Variants in AXDND1 observed in about 807,000 individuals in gnomAD.
AXDND1 encodes axonemal dynein light chain domain containing 1, also known as axonemal dynein light chain domain-containing protein 1.
AXDND1 carries 110 observed loss-of-function variants against 137.5 expected under a neutral mutation model. The ratio of observed to expected loss-of-function variants is 0.80; its 90% CI spans 0.69 to 0.94. The LOEUF (loss-of-function observed/expected upper bound fraction) is 0.94, where lower values mean the gene tolerates loss of function less well. Ranked by LOEUF, AXDND1 falls within the 40% of genes least tolerant of loss-of-function variation. The pLI is 0.00. For missense variants in AXDND1, 1,191 were observed against 1,169.8 expected (o/e 1.02, Z -0.26); for synonymous variants, 414 against 399.7 (o/e 1.04, Z -0.43).
intron 25 of AXDND1, among the ~76,000 whole-genome samples, chr1:179,540,693 G>A (rs949620794): frequency 6.6e-6 from 1 of 151,700 alleles, no homozygotes; most frequent in Non-Finnish European, 1.5e-5. Flanking sequence ...TGAGGAGGCA[G>A]TCTGTCTGTT....
intron 20 of AXDND1, among the ~76,000 whole-genome samples, chr1:179,494,054 C>G (rs1667200935): frequency 6.6e-6 from 1 of 152,100 alleles, no homozygotes; most frequent in Admixed American, 6.6e-5. Flanking sequence ...TGGGTTCAAG[C>G]AATTCTGCTT....
chr1:179,391,610 C>T (rs1391096424), intron 9 of AXDND1, among the ~76,000 whole-genome samples: 1 of 152,078 alleles, frequency 6.6e-6, no homozygotes, highest in East Asian at 1.9e-4. Context: ...AATCTCAGCT[C>T]ACTGCCACCT....
chr1:179,383,444 A>C lies in AXDND1; in HGVS notation c.641A>C (p.Lys214Thr). The C allele has an allele frequency of 3.1e-6, 5 of 1,611,816 alleles. No homozygotes were observed. In the South Asian group the frequency reaches 5.5e-5, roughly 18 times the overall value. The change falls in exon 8 of 26, where the codon AAA (lysine) becomes ACA (threonine). Residue 214 changes from lysine (K) to threonine (T), a missense_variant and splice_region_variant. Physicochemically the swap from Lys to Thr is moderately conservative, Grantham distance 78. Coordinates refer to ENST00000367618, the MANE Select transcript of AXDND1 (RefSeq NM_144696.6). ...AGTCTGCCACCTTAATTTTTTAGGA[A>C]ACCTAATAAAAGAGTAGAAGTGGCC... The part of the protein sequence containing the change: ...ENRLLLFPSM[K>T]PNKRVEVAQL...
intron 9 of AXDND1, among the ~76,000 whole-genome samples, chr1:179,386,715 A>G (rs1649280550): frequency 6.6e-6 from 1 of 151,564 alleles, no homozygotes. Context: ...AATCCTATCT[A>G]ATTATTATTA....
chr1:179,491,041 G>A (rs1175305734), intron 18 of AXDND1, among the ~76,000 whole-genome samples: 4 of 152,314 alleles, frequency 2.6e-5, no homozygotes, highest in African/African-American at 9.6e-5. Context: ...GAAGAGATCA[G>A]TGGCTGGGCG....
Position 179,525,458 on chromosome 1 carries a change from T to A in AXDND1, c.2610+11T>A. ...GAGAGAGCAGAAGAAGTAAGATTAT[T>A]TGGTATTTGTTTTTCCTCCTACATA... On this transcript the variant is annotated intron_variant, in intron 22 of 25. Transcript: ENST00000367618. The A allele has an allele frequency of 6.3e-7, 1 of 1,591,182 alleles. No individual in the cohort carries two copies. The highest frequency in any genetic ancestry group is 8.6e-7 in the Non-Finnish European group (1 of 1,168,854).
intron 20 of AXDND1, among the ~76,000 whole-genome samples, chr1:179,502,615 T>G (rs10913801): frequency 0.66 from 97,096 of 147,338 alleles, 33,196 homozygotes; most frequent in South Asian, 0.81. Flanking sequence ...ATACAAGTGT[T>G]AACAAGAATG....
rs776016942 is a variant in AXDND1, at chr1:179,551,452, C to G, written c.3032-3060C>G. 1 of 1,613,028 alleles carries G rather than the reference C, an allele frequency of 6.2e-7. No homozygotes were observed. The highest frequency in any genetic ancestry group is 8.5e-7 in the Non-Finnish European group (1 of 1,180,020). ...CCTTTTCCGCTTCTGCAGCAATCAT[C>G]TAGAAAACATGTGACGAAAGCAAAG... On this transcript the variant is annotated intron_variant, in intron 25 of 25. Coordinates refer to ENST00000367618, the MANE Select transcript of AXDND1 (RefSeq NM_144696.6).
At position 179,551,126 on chromosome 1, in the gene AXDND1, C is replaced by T. The variant is rs1673188184; in HGVS notation, c.3032-3386C>T. 5 of 1,612,316 alleles carry T rather than the reference C, an allele frequency of 3.1e-6. No individual in the cohort carries two copies. In the African/African-American group the frequency reaches 5.3e-5, roughly 17 times the overall value. ...CAGAGTGTCTCCCTCAGGCATGTGACTTTTCTATGGCAGGCCCCTTTACAG... is the reference window on the plus strand; with the variant it reads ...CAGAGTGTCTCCCTCAGGCATGTGATTTTTCTATGGCAGGCCCCTTTACAG... On this transcript the variant is annotated intron_variant, in intron 25 of 25. Transcript: ENST00000367618.
intron 11 of AXDND1, among the ~76,000 whole-genome samples, chr1:179,396,953 C>G (rs1261417394): frequency 6.6e-6 from 1 of 152,110 alleles, no homozygotes; most frequent in Non-Finnish European, 1.5e-5. Context: ...AACTCTGTGC[C>G]TTTTAATCAG....
At chr1:179,405,992 T>C (rs1231640469) in intron 11 of AXDND1, among the ~76,000 whole-genome samples, 2 of 152,108 alleles carry the variant, frequency 1.3e-5, no homozygotes, top group African/African-American at 4.8e-5. Flanking sequence ...TCTGCTCTTT[T>C]GATATAGGTG....
intron 21 of AXDND1, among the ~76,000 whole-genome samples, chr1:179,516,139 T>C (rs1669513920): frequency 6.6e-6 from 1 of 152,092 alleles, no homozygotes. Flanking sequence ...GGAGGCTTTG[T>C]TCATATTTTC....
chr1:179,447,682 C>T (rs1659929162), intron 16 of AXDND1: 1 of 1,349,948 alleles, frequency 7.4e-7, no homozygotes, highest in Admixed American at 1.7e-5. Context: ...ATTACTGCCA[C>T]CTGGTGGAGG....
chr1:179,506,846 G>C (rs1018876742), intron 20 of AXDND1: 2 of 985,332 alleles, frequency 2.0e-6, no homozygotes, highest in Non-Finnish European at 2.4e-6. Flanking sequence ...TAGCACTGCC[G>C]GTTCCAGGAT....
intron 25 of AXDND1, among the ~76,000 whole-genome samples, chr1:179,539,216 A>T (rs116182362): frequency 6.6e-4 from 100 of 152,274 alleles, no homozygotes; most frequent in Non-Finnish European, 1.2e-3. Context: ...TTATATGTGA[A>T]TTTGAGCCTG....
chr1:179,511,961 T>C (rs560982119), intron 21 of AXDND1, among the ~76,000 whole-genome samples: 9 of 152,370 alleles, frequency 5.9e-5, no homozygotes, highest in African/African-American at 2.2e-4. Context: ...ATTCTGGATA[T>C]TAGTCCTTTG....
chr1:179,541,129 G>A (rs531316484), intron 25 of AXDND1, among the ~76,000 whole-genome samples: 251 of 152,296 alleles, frequency 1.6e-3, no homozygotes, highest in Non-Finnish European at 2.7e-3. Flanking sequence ...TGGGGGACCC[G>A]CTGAGCCAGG....
rs1020122613 is a variant in AXDND1 at position 179,373,101 on chromosome 1, G to T, written c.374+3023G>T. Among the ~76,000 whole-genome samples the T allele has an allele frequency of 3.3e-5, 5 of 152,088 alleles. No individual in the cohort carries two copies. The East Asian group carries it at 9.6e-4, about 29-fold the overall frequency. ...CACTTCATAATGATACTATTAAAATGGCAATTACATTTCCAACACATGAAT... is the reference window on the plus strand; with the variant it reads ...CACTTCATAATGATACTATTAAAATTGCAATTACATTTCCAACACATGAAT... On this transcript the variant is annotated intron_variant, in intron 4 of 25. Transcript: ENST00000367618.
chr1:179,512,577 T>A (rs114867801), intron 21 of AXDND1, among the ~76,000 whole-genome samples: 3,680 of 151,852 alleles, frequency 0.024, 154 homozygotes, highest in African/African-American at 0.084. Context: ...AATTTTAGAA[T>A]TTTTTTTTCT....
Sources: gnomAD v4.1 joint callset for allele counts (sites outside exome capture counted in the v4.1 genomes callset) on GRCh38, gnomAD v4.1.1 for gene constraint, MANE v1.5 for transcripts, NCBI Gene and HGNC (gene_info 2026-07-23, HGNC 2026-07-21) for gene names.